The following FGD3 variants were observed in gnomAD, a reference collection of about 807,000 sequenced individuals.
FGD3 encodes FYVE, RhoGEF and PH domain containing 3.
A neutral mutation model predicts 71.8 loss-of-function variants in FGD3; 45 were observed. The observed-to-expected ratio is 0.63, with a 90% CI of 0.49 to 0.80. The LOEUF (loss-of-function observed/expected upper bound fraction) is 0.80. Among genes scored for constraint, FGD3 ranks in the 30% least tolerant of loss-of-function variants. The probability of loss-of-function intolerance (pLI) is 0.00; values close to 1 mark genes in which losing one functional copy is unlikely to be tolerated. For missense variants in FGD3, 844 were observed against 951.5 expected, an observed-to-expected ratio of 0.89 and a Z score of 1.49; for synonymous variants, 378 against 392.8, an observed-to-expected ratio of 0.96 and a Z score of 0.44.
At position 93,003,913 on chromosome 9, in the gene FGD3, G is replaced by T; in HGVS notation, c.544-88G>T. ...CAAGGTGGCAGCAGCGGCCCCTCCC[G>T]AGCGCCCTCACCTGTGGCCGAAGCG... is the stretch of plus-strand genomic sequence containing the variant. On this transcript the variant is annotated intron_variant, in intron 4 of 17. Transcript: ENST00000375482. The surrounding 1 kb of genome is among the most constrained non-coding windows in gnomAD (Gnocchi z 4.1). 1 of 1,528,138 alleles carries T rather than the reference G, an allele frequency of 6.5e-7. No homozygotes were observed. Among genetic ancestry groups the T allele is most frequent in the South Asian group, 1.2e-5 (1 of 86,526 alleles). The allele number at this position is 1,528,138 out of a possible 1,614,324, so 94.7% of individuals were successfully genotyped here.
intron 6 of FGD3, among the ~76,000 whole-genome samples, chr9:93,007,256 A>G (rs890858679): frequency 2.6e-5 from 4 of 151,442 alleles, no homozygotes; most frequent in African/African-American, 9.7e-5. Flanking sequence ...ACGCCCGGCT[A>G]ATTTTTTATA....
chr9:93,026,469 C>T (rs1035854730), intron 14 of FGD3, among the ~76,000 whole-genome samples: 2 of 152,214 alleles, frequency 1.3e-5, no homozygotes, highest in African/African-American at 4.8e-5. Context: ...TTCAGCCACA[C>T]CTTGATGATG....
intron 1 of FGD3, among the ~76,000 whole-genome samples, chr9:92,958,572 A>G (rs888833144): frequency 3.9e-5 from 6 of 152,236 alleles, no homozygotes; most frequent in African/African-American, 1.4e-4. Flanking sequence ...TTCAGGTTGA[A>G]GAAGTTGTTT....
In FGD3 at chr9:93,034,743, C is replaced by T. The variant is rs923391814; in HGVS notation, c.1926+62C>T. 1.2e-5 allele frequency: 19 copies of T among 1,546,198 alleles called. No individual in the cohort carries two copies. In the African/African-American group the frequency reaches 2.5e-4, roughly 20 times the overall value. On this transcript the variant is annotated intron_variant, in intron 17 of 17. Transcript: ENST00000375482. Reference sequence around the variant, plus strand: ...AGCCCAGAGCCTCAGGCCTGAGGCACCCACAGCAGGCCTGTGCCACCAGCT... The same window carrying T: ...AGCCCAGAGCCTCAGGCCTGAGGCATCCACAGCAGGCCTGTGCCACCAGCT...
At chr9:92,972,516 T>A (rs1313871907) in intron 1 of FGD3, among the ~76,000 whole-genome samples, 1 of 152,076 alleles carries the variant, frequency 6.6e-6, no homozygotes, top group Non-Finnish European at 1.5e-5. Flanking sequence ...AGCATCATTA[T>A]TTTCCTGAAA....
Position 93,006,785 on chromosome 9 carries a change from G to A in FGD3, c.837+605G>A, listed in dbSNP as rs1377827281. Reference sequence around the variant, plus strand: ...TCTGTTGCCCAGGCTGGAGTGTAGTGGCACGATCTCGGCTCACTGCAACCT... The same window carrying A: ...TCTGTTGCCCAGGCTGGAGTGTAGTAGCACGATCTCGGCTCACTGCAACCT... On this transcript the variant is annotated intron_variant, in intron 6 of 17. Transcript: ENST00000375482. Among the ~76,000 whole-genome samples the A allele has an allele frequency of 2.0e-5, 3 of 151,158 alleles. No homozygotes were observed. In the East Asian group the frequency reaches 5.8e-4, roughly 29 times the overall value.
intron 3 of FGD3, among the ~76,000 whole-genome samples, chr9:92,988,312 C>T (rs977887953): frequency 1.3e-5 from 2 of 152,358 alleles, no homozygotes; most frequent in East Asian, 1.9e-4. Context: ...TTCCCCAGTA[C>T]CTGTGGGCCT....
chr9:93,009,257 C>T (rs971689885), intron 6 of FGD3, among the ~76,000 whole-genome samples: 11 of 116,056 alleles, frequency 9.5e-5, no homozygotes, highest in South Asian at 5.2e-4. Context: ...AGCGAGACTC[C>T]GTCTCAAAAA....
chr9:93,035,388 G>A lies in FGD3; in HGVS notation c.1977G>A (p.Val659=), dbSNP rs760189684. Residue 659 remains valine (V), a synonymous_variant, in exon 18 of 18, where the codon GTG becomes GTA. Transcript: ENST00000375482. ...CTCTCCCCAGCTGCAAACTGAGTGT[G>A]CCGGACCCTGAGGAGAGGCTGGACT... ...TIPLPSCKLS[V]PDPEERLDSG... The A allele has an allele frequency of 6.2e-7, 1 of 1,611,070 alleles. No homozygotes were observed. Among genetic ancestry groups the A allele is most frequent in the East Asian group, 2.2e-5 (1 of 44,736 alleles).
Position 93,028,667 on chromosome 9 carries a change from G to A in FGD3, c.1558-1207G>A, listed in dbSNP as rs554023909. ...GGTAATTAGCAACTTGCCAAACGCA[G>A]TCGGGGTTTTATGTACTGTGATGAG... On this transcript the variant is annotated intron_variant, in intron 14 of 17. Coordinates refer to ENST00000375482, the MANE Select transcript of FGD3 (RefSeq NM_001083536.2). 2.0e-5 allele frequency among the ~76,000 whole-genome samples: 3 copies of A among 152,354 alleles called. No homozygotes were observed. In the East Asian group the frequency reaches 5.8e-4, roughly 29 times the overall value.
chr9:93,030,082 C>A, intron 15 of FGD3, 86 bp downstream of exon 15: 1 of 1,502,944 alleles, frequency 6.7e-7, no homozygotes. Context: ...CAGCAGCACA[C>A]CAGCCATGCA....
chr9:92,976,149 C>T (rs1859743480), intron 2 of FGD3, 59 bp from the exon 3 acceptor site: 1 of 1,080,738 alleles, frequency 9.3e-7, no homozygotes. Context: ...GGGGGTTGCA[C>T]CTGAGGGTGC....
chr9:92,984,703 T>A (rs1365851060), intron 3 of FGD3, among the ~76,000 whole-genome samples: 2 of 152,126 alleles, frequency 1.3e-5, no homozygotes, highest in East Asian at 3.8e-4. Flanking sequence ...TCTAGGAAAG[T>A]ATATTTTTGC....
chr9:93,019,737 C>A lies in FGD3; in HGVS notation c.1356-94C>A, dbSNP rs139685076. ...CTTGAGCTGCGTTGACAAGCCAGTGCGTGGCTCGGGTGTGCTGCAGGGTTG... is the reference window on the plus strand; with the variant it reads ...CTTGAGCTGCGTTGACAAGCCAGTGAGTGGCTCGGGTGTGCTGCAGGGTTG... On this transcript the variant is annotated intron_variant, in intron 11 of 17. Coordinates refer to ENST00000375482, the MANE Select transcript of FGD3 (RefSeq NM_001083536.2). The A allele has an allele frequency of 2.5e-6, 3 of 1,199,810 alleles. No individual in the cohort carries two copies. In the African/African-American group the frequency reaches 4.5e-5, roughly 18 times the overall value. The allele number at this position is 1,199,810 out of a possible 1,614,324, so 74.3% of individuals were successfully genotyped here.
At chr9:92,999,247 T>C (rs891657008) in intron 3 of FGD3, among the ~76,000 whole-genome samples, 1 of 152,190 alleles carries the variant, frequency 6.6e-6, no homozygotes, top group Non-Finnish European at 1.5e-5. Flanking sequence ...TGAGCAAGGC[T>C]CCGTGGGCGT....
At chr9:92,958,155 T>C (rs1859099082) in intron 1 of FGD3, among the ~76,000 whole-genome samples, 2 of 152,118 alleles carry the variant, frequency 1.3e-5, no homozygotes, top group East Asian at 1.9e-4. Context: ...CGCACCACCA[T>C]GCCCAGGTAA....
intron 3 of FGD3, among the ~76,000 whole-genome samples, chr9:92,993,235 G>T (rs539518798): frequency 1.3e-5 from 2 of 152,122 alleles, no homozygotes; most frequent in Admixed American, 6.5e-5. Flanking sequence ...GAGTAGGGGG[G>T]ACTGTAGGTG....
In FGD3 at chr9:93,035,562, G is replaced by T. The variant is rs1196552017; in HGVS notation, c.2151G>T (p.Gln717His). ...ACAGCCCGGGGGCCCTGCAGCTTCA[G>T]GTCCCTATGGGCGCAGCTGCTCCGT... ...AQDSPGALQL[Q>H]VPMGAAAP Residue 717 changes from glutamine (Q) to histidine (H), a missense_variant, in exon 18 of 18, where the codon CAG becomes CAT. Gln to His is a conservative substitution (Grantham distance 24). Coordinates refer to ENST00000375482, the MANE Select transcript of FGD3 (RefSeq NM_001083536.2). 3.8e-6 allele frequency: 6 copies of T among 1,599,222 alleles called. No homozygotes were observed. The highest frequency in any genetic ancestry group is 4.3e-6 in the Non-Finnish European group (5 of 1,175,534).
chr9:92,973,011 T>C (rs1045482473), intron 1 of FGD3, among the ~76,000 whole-genome samples: 1 of 152,060 alleles, frequency 6.6e-6, no homozygotes, highest in Non-Finnish European at 1.5e-5. Context: ...GTTTTTAATG[T>C]CCCTTTTTGC....
Sources: gnomAD v4.1 joint callset for allele counts (sites outside exome capture counted in the v4.1 genomes callset) on GRCh38, gnomAD v4.1.1 for gene constraint, Gnocchi (gnomAD v3.1) non-coding constraint, MANE v1.5 for transcripts, NCBI Gene and HGNC (gene_info 2026-07-23, HGNC 2026-07-21) for gene names.